ARHGAP10: variants seen among roughly 807,000 people sequenced by gnomAD.
ARHGAP10 encodes the protein Rho GTPase activating protein 10.
Under a neutral mutation model 108.6 loss-of-function variants are expected in ARHGAP10, and 87 were observed. The observed-to-expected ratio is 0.80, with a 90% CI of 0.67 to 0.96. ARHGAP10 has a LOEUF of 0.96. Ranked by LOEUF, ARHGAP10 falls within the 40% of genes least tolerant of loss-of-function variation. The pLI is 0.00. For synonymous variants in ARHGAP10, 347 were observed against 341.1 expected, an observed-to-expected ratio of 1.02 and a Z score of -0.19; for missense variants, 939 against 954.5, an observed-to-expected ratio of 0.98 and a Z score of 0.21.
At chr4:147,763,479 T>G (rs1012908161) in intron 1 of ARHGAP10, among the ~76,000 whole-genome samples, 3 of 151,880 alleles carry the variant, frequency 2.0e-5, no homozygotes, top group Admixed American at 6.6e-5. Context: ...ACCCAGCTAA[T>G]TTTTGTGTTT....
chr4:147,837,641 C>CTTTTTTTTTTTTTT (rs1355564479), intron 3 of ARHGAP10, among the ~76,000 whole-genome samples: 1 of 14,716 alleles, frequency 6.8e-5, no homozygotes, highest in African/African-American at 9.3e-5. Flanking sequence ...TCTCTGGTCA[C>CTTTTTTTTTTTTTT]TGTTTTTTTT....
intron 13 of ARHGAP10, among the ~76,000 whole-genome samples, chr4:147,924,067 C>G (rs1009328639): frequency 1.3e-5 from 2 of 152,168 alleles, no homozygotes; most frequent in Non-Finnish European, 2.9e-5. Flanking sequence ...GTTGAAGAGT[C>G]TTGTGGTGTC....
At chr4:147,867,107 G>T (rs1734598212) in intron 7 of ARHGAP10, among the ~76,000 whole-genome samples, 3 of 152,122 alleles carry the variant, frequency 2.0e-5, no homozygotes, top group African/African-American at 7.2e-5. Context: ...ACAGACAAAA[G>T]AGCACTCCAC....
intron 1 of ARHGAP10, among the ~76,000 whole-genome samples, chr4:147,738,318 G>A (rs1371529316): frequency 6.6e-6 from 1 of 152,124 alleles, no homozygotes; most frequent in East Asian, 1.9e-4. Context: ...TTGGGAGGCC[G>A]AGGCGGGCGG....
At chr4:147,758,811 T>C (rs1729477456) in intron 1 of ARHGAP10, among the ~76,000 whole-genome samples, 1 of 151,944 alleles carries the variant, frequency 6.6e-6, no homozygotes, top group Non-Finnish European at 1.5e-5. Context: ...AAACCCGGTC[T>C]CTACTAAAAA....
chr4:148,055,786 A>G (rs1729337429), intron 20 of ARHGAP10, among the ~76,000 whole-genome samples: 1 of 152,130 alleles, frequency 6.6e-6, no homozygotes, highest in South Asian at 2.1e-4. Context: ...GCTGCTTGAG[A>G]GATGATCTTA....
At chr4:148,044,398 C>T (rs932457550) in intron 19 of ARHGAP10, among the ~76,000 whole-genome samples, 3 of 152,266 alleles carry the variant, frequency 2.0e-5, no homozygotes, top group Admixed American at 2.0e-4. Context: ...TCTGCCATGT[C>T]ATGCCTTGCC....
chr4:148,071,293 C>T (rs1370344146), intron 22 of ARHGAP10, among the ~76,000 whole-genome samples: 1 of 152,212 alleles, frequency 6.6e-6, no homozygotes, highest in East Asian at 1.9e-4. Flanking sequence ...GCCAGGTGCC[C>T]AGGGGCCTGT....
intron 7 of ARHGAP10, among the ~76,000 whole-genome samples, chr4:147,870,024 G>T (rs1229875721): frequency 3.3e-5 from 5 of 151,632 alleles, no homozygotes; most frequent in Non-Finnish European, 4.4e-5. Flanking sequence ...GTGTGTGTGT[G>T]TGTGTGTGTG....
chr4:147,875,176 C>T (rs760183525), intron 8 of ARHGAP10, 26 bp downstream of exon 8: 59 of 1,534,682 alleles, frequency 3.8e-5, no homozygotes, highest in East Asian at 4.7e-5. Context: ...GCAGTGGCTG[C>T]GTGGCTGCTT....
chr4:147,798,637 C>T (rs1007139736), intron 1 of ARHGAP10, among the ~76,000 whole-genome samples: 1 of 151,006 alleles, frequency 6.6e-6, no homozygotes, highest in African/African-American at 2.5e-5. Flanking sequence ...AAAGATTAGC[C>T]TTGGCTGGGT....
intron 1 of ARHGAP10, among the ~76,000 whole-genome samples, chr4:147,804,952 T>G (rs915402208): frequency 2.6e-5 from 4 of 152,218 alleles, no homozygotes; most frequent in African/African-American, 9.6e-5. Context: ...AGTTTCTTTT[T>G]GCTGTGCAGA....
intron 3 of ARHGAP10, among the ~76,000 whole-genome samples, chr4:147,845,719 T>C (rs965093661): frequency 1.3e-5 from 2 of 152,192 alleles, no homozygotes; most frequent in African/African-American, 4.8e-5. Flanking sequence ...GTTGGGTAGA[T>C]CCAGATGTGG....
chr4:147,906,575 C>A, intron 10 of ARHGAP10, 63 bp from the exon 11 acceptor site: 1 of 1,543,196 alleles, frequency 6.5e-7, no homozygotes, highest in Non-Finnish European at 8.9e-7. Context: ...ACAGTTAAAT[C>A]TTAGGAAAAA....
At chr4:147,961,601 C>T (rs576342771) in intron 16 of ARHGAP10, among the ~76,000 whole-genome samples, 4 of 152,016 alleles carry the variant, frequency 2.6e-5, no homozygotes, top group African/African-American at 9.6e-5. Context: ...TCTGCTTTAC[C>T]TCTCTTTCCC....
intron 13 of ARHGAP10, among the ~76,000 whole-genome samples, chr4:147,915,985 T>G (rs1362334970): frequency 6.6e-6 from 1 of 152,170 alleles, no homozygotes; most frequent in African/African-American, 2.4e-5. Context: ...AGTGTTTGCT[T>G]GTAGTGACAG....
Position 147,884,319 on chromosome 4 carries a change from T to C in ARHGAP10, c.1034+2387T>C, listed in dbSNP as rs1579158350. Among the ~76,000 whole-genome samples, 3 of 152,166 alleles carry C rather than the reference T, an allele frequency of 2.0e-5. No individual in the cohort carries two copies. The East Asian group carries it at 5.8e-4, about 29-fold the overall frequency. ...GGATTCCTATGGAGGTGCTTACACA[T>C]ACGAAGGATAATACCTGTAGGGAGA... On this transcript the variant is annotated intron_variant, in intron 10 of 22. Transcript: ENST00000336498.
intron 20 of ARHGAP10, among the ~76,000 whole-genome samples, chr4:148,057,338 C>T (rs919435920): frequency 5.1e-4 from 77 of 152,298 alleles, no homozygotes; most frequent in African/African-American, 1.8e-3. Context: ...TATCCCGGTA[C>T]TTGCATCTCT....
At chr4:147,965,923 G>A (rs1739186377) in intron 17 of ARHGAP10, among the ~76,000 whole-genome samples, 1 of 151,452 alleles carries the variant, frequency 6.6e-6, no homozygotes, top group Non-Finnish European at 1.5e-5. Context: ...CAGAGTAAGG[G>A]GACAGAATAT....
Sources: allele counts gnomAD v4.1 joint callset (sites outside exome capture counted in the v4.1 genomes callset), GRCh38; gene constraint gnomAD v4.1.1; transcripts MANE v1.5; gene names NCBI Gene and HGNC (gene_info 2026-07-23, HGNC 2026-07-21).